The following ITPR2 variants were observed in gnomAD, a reference collection of about 807,000 sequenced individuals.
ITPR2 encodes the protein inositol 1,4,5-trisphosphate receptor type 2.
ITPR2 carries 207 observed loss-of-function variants against 317.1 expected under a neutral mutation model. The ratio of observed to expected loss-of-function variants is 0.65; its 90% CI spans 0.58 to 0.73. The LOEUF is 0.73. Ranked by LOEUF, ITPR2 falls within the 30% of genes least tolerant of loss-of-function variation. ITPR2 has a pLI of 0.00. For synonymous variants in ITPR2, 1,156 were observed against 1,149.1 expected, an observed-to-expected ratio of 1.01 and a Z score of -0.12; for missense variants, 2,613 against 3,284.0, an observed-to-expected ratio of 0.80 and a Z score of 4.99.
At chr12:26,735,159 C>G (rs1451987045) in intron 2 of ITPR2, among the ~76,000 whole-genome samples, 2 of 152,180 alleles carry the variant, frequency 1.3e-5, no homozygotes, top group Admixed American at 1.3e-4. Context: ...CATCACCACA[C>G]CCAGCTAATT....
At chr12:26,476,586 T>C (rs922997827) in intron 44 of ITPR2, among the ~76,000 whole-genome samples, 5 of 152,208 alleles carry the variant, frequency 3.3e-5, no homozygotes, top group Non-Finnish European at 7.3e-5. Context: ...TTTTTTTACA[T>C]CCCTTCCTCA....
chr12:26,664,378 C>A (rs1318963549), intron 14 of ITPR2, among the ~76,000 whole-genome samples: 1 of 152,148 alleles, frequency 6.6e-6, no homozygotes, highest in Non-Finnish European at 1.5e-5. Context: ...ATGAACATAT[C>A]AGCATTCAAA....
At chr12:26,597,793 T>C (rs1945886779) in intron 30 of ITPR2, among the ~76,000 whole-genome samples, 1 of 152,224 alleles carries the variant, frequency 6.6e-6, no homozygotes, top group Non-Finnish European at 1.5e-5. Flanking sequence ...AGTTTTATTG[T>C]TCAAGCTCCA....
At chr12:26,712,531 A>T (rs915530207) in intron 8 of ITPR2, among the ~76,000 whole-genome samples, 1 of 152,146 alleles carries the variant, frequency 6.6e-6, no homozygotes. Context: ...TCCTTTGCTA[A>T]TCACACTGGC....
intron 8 of ITPR2, 67 bp downstream of exon 8, chr12:26,715,232 A>G (rs1948716417): frequency 1.4e-6 from 2 of 1,388,380 alleles, no homozygotes; most frequent in South Asian, 1.3e-5. Flanking sequence ...ACAATAAAAC[A>G]ACAAGCCCAG....
chr12:26,580,647 A>G (rs903547411), intron 32 of ITPR2, among the ~76,000 whole-genome samples: 3 of 152,196 alleles, frequency 2.0e-5, no homozygotes, highest in Non-Finnish European at 4.4e-5. Context: ...AAGGTAGGAG[A>G]AGATAAATCA....
intron 13 of ITPR2, among the ~76,000 whole-genome samples, chr12:26,671,694 TAAC>T (rs1172467219): frequency 6.6e-6 from 1 of 151,632 alleles, no homozygotes; most frequent in East Asian, 1.9e-4. Context: ...AATTCACACA[TAAC>T]AATATTAACT....
intron 18 of ITPR2, 96 bp from the exon 19 acceptor site, chr12:26,656,644 T>C (rs1947374369): frequency 4.8e-6 from 6 of 1,245,152 alleles, no homozygotes; most frequent in Non-Finnish European, 6.8e-6. Context: ...GACACCTGTA[T>C]TTCCAAGCAT....
At chr12:26,547,955 G>A (rs915034706) in intron 37 of ITPR2, among the ~76,000 whole-genome samples, 3 of 152,200 alleles carry the variant, frequency 2.0e-5, no homozygotes, top group African/African-American at 7.2e-5. Context: ...GATCAAAGGA[G>A]TAAGAAGATT....
At chr12:26,390,256 C>CTGGGTATA (rs1195452724) in intron 54 of ITPR2, among the ~76,000 whole-genome samples, 5 of 152,274 alleles carry the variant, frequency 3.3e-5, no homozygotes, top group African/African-American at 1.2e-4. Flanking sequence ...TAACCCACTC[C>CTGGGTATA]TGGGTATATA....
At chr12:26,668,216 C>A (rs940137745) in intron 13 of ITPR2, among the ~76,000 whole-genome samples, 2 of 152,156 alleles carry the variant, frequency 1.3e-5, no homozygotes, top group Non-Finnish European at 2.9e-5. Context: ...TCAACTCTTG[C>A]AAGGTAAGAG....
At chr12:26,598,666 A>G (rs912212309) in intron 30 of ITPR2, among the ~76,000 whole-genome samples, 3 of 150,494 alleles carry the variant, frequency 2.0e-5, no homozygotes, top group African/African-American at 7.4e-5. Flanking sequence ...GTAAGTTTCC[A>G]CATGTTGTAA....
intron 37 of ITPR2, among the ~76,000 whole-genome samples, chr12:26,534,098 C>T (rs555836145): frequency 6.6e-6 from 1 of 152,336 alleles, no homozygotes; most frequent in African/African-American, 2.4e-5. Flanking sequence ...CCCGTGGAGA[C>T]ACCAGCCATC....
chr12:26,480,715 CTGTAATCCCAGCTACTCAGGAGGCTGAGG>C (rs1338129932), intron 43 of ITPR2, among the ~76,000 whole-genome samples: 2 of 152,108 alleles, frequency 1.3e-5, no homozygotes, highest in Non-Finnish European at 2.9e-5. Context: ...TGGCGGGCGC[CTGTAATCCCAGCTACTCAGGAGGCTGAGG>C]CAGGAGAATC....
At chr12:26,514,320 A>G (rs1943434594) in intron 37 of ITPR2, among the ~76,000 whole-genome samples, 1 of 152,252 alleles carries the variant, frequency 6.6e-6, no homozygotes, top group East Asian at 1.9e-4. Context: ...AAGCGATTAC[A>G]GTATTGCTGT....
At chr12:26,418,659 ATAT>A (rs1413139430) in intron 50 of ITPR2, among the ~76,000 whole-genome samples, 1 of 152,132 alleles carries the variant, frequency 6.6e-6, no homozygotes, top group Admixed American at 6.6e-5. Flanking sequence ...ATAATTTTTG[ATAT>A]TATAAATAAA....
At chr12:26,573,410 C>A (rs1228814211) in intron 34 of ITPR2, among the ~76,000 whole-genome samples, 1 of 152,068 alleles carries the variant, frequency 6.6e-6, no homozygotes, top group East Asian at 1.9e-4. Context: ...TTTCAGGCTC[C>A]AGTGGTGAAG....
intron 26 of ITPR2, among the ~76,000 whole-genome samples, chr12:26,608,174 G>A (rs1403167782): frequency 6.6e-6 from 1 of 152,030 alleles, no homozygotes; most frequent in African/African-American, 2.4e-5. Context: ...ATTTGATGTC[G>A]TTTTAGTTAG....
intron 52 of ITPR2, among the ~76,000 whole-genome samples, chr12:26,409,637 G>A (rs1360014421): frequency 6.6e-6 from 1 of 152,040 alleles, no homozygotes; most frequent in African/African-American, 2.4e-5. Context: ...TAGCTCAACG[G>A]CTGTATAAAA....
Sources: allele counts gnomAD v4.1 joint callset (sites outside exome capture counted in the v4.1 genomes callset), GRCh38; gene constraint gnomAD v4.1.1; transcripts MANE v1.5; gene names NCBI Gene and HGNC (gene_info 2026-07-23, HGNC 2026-07-21).